Variants in RAE1 observed in about 807,000 individuals in gnomAD.
The protein encoded by RAE1 is ribonucleic acid export 1, also known as mRNA export factor RAE1.
RAE1 carries 13 observed loss-of-function variants against 52.7 expected under a neutral mutation model. That is an observed-to-expected ratio of 0.25 (90% CI 0.16 to 0.39). The LOEUF is 0.39. RAE1 is among the 10% of genes least tolerant of loss of function. The pLI is 1.00. For synonymous variants in RAE1, 164 were observed against 153.1 expected, an observed-to-expected ratio of 1.07 and a Z score of -0.52; for missense variants, 262 against 459.8, an observed-to-expected ratio of 0.57 and a Z score of 3.93.
chr20:57,375,774 A>G (rs2067105049), intron 11 of RAE1, among the ~76,000 whole-genome samples: 1 of 151,936 alleles, frequency 6.6e-6, no homozygotes, highest in Non-Finnish European at 1.5e-5. Context: ...CGTCCTCCTC[A>G]TCCAGTCCAG....
In RAE1 at chr20:57,374,934, T is replaced by C. The variant is rs1051066899; in HGVS notation, c.1020+133T>C. 6.2e-6 allele frequency: 6 copies of C among 968,252 alleles called. No individual in the cohort carries two copies. The Admixed American group carries it at 1.2e-4, about 19-fold the overall frequency. The allele number at this position is 968,252 out of a possible 1,614,324, so 60.0% of individuals were successfully genotyped here. ...CTTGGGCAGGTCACCGTCCCCTCCC[T>C]GTAAGGGGAAATTGCAGGACTTCCT... On this transcript the variant is annotated intron_variant, in intron 11 of 11. Coordinates refer to ENST00000395841, the MANE Select transcript of RAE1 (RefSeq NM_003610.4).
intron 7 of RAE1, among the ~76,000 whole-genome samples, chr20:57,368,348 G>T (rs1425251450): frequency 6.6e-6 from 1 of 152,190 alleles, no homozygotes; most frequent in Non-Finnish European, 1.5e-5. Flanking sequence ...CATGTTTTGA[G>T]TAAAGGATAT....
chr20:57,373,256 G>A (rs2067062937), intron 8 of RAE1: 3 of 559,250 alleles, frequency 5.4e-6, no homozygotes, highest in African/African-American at 1.9e-5. Flanking sequence ...AGCAGCGGGG[G>A]CGGGGGAGGA....
chr20:57,369,567 A>C (rs1157361697), intron 8 of RAE1, among the ~76,000 whole-genome samples: 25 of 152,252 alleles, frequency 1.6e-4, no homozygotes, highest in Non-Finnish European at 3.4e-4. Context: ...GAAATATGTC[A>C]GAGAAGTCTA....
chr20:57,352,589 A>G lies in RAE1; in HGVS notation c.-8+1167A>G, dbSNP rs149569233. 2.2e-4 allele frequency among the ~76,000 whole-genome samples: 33 copies of G among 152,334 alleles called. 1 individual carries two copies. In the East Asian group the frequency reaches 6.0e-3, roughly 28 times the overall value. ...CTAACACGAACGATTCTCACCTACC[A>G]TGTTCTTTTTCCTAAGTTCATCCCT... On this transcript the variant is annotated intron_variant, in intron 1 of 11. Coordinates refer to ENST00000395841, the MANE Select transcript of RAE1 (RefSeq NM_003610.4).
intron 1 of RAE1, among the ~76,000 whole-genome samples, chr20:57,352,294 T>G (rs999734701): frequency 6.6e-6 from 1 of 152,312 alleles, no homozygotes; most frequent in Non-Finnish European, 1.5e-5. Flanking sequence ...AGGAGGCAAC[T>G]TTTGAACTGG....
intron 1 of RAE1, among the ~76,000 whole-genome samples, 176 bp from the exon 2 acceptor site, chr20:57,353,853 ACTC>A (rs2066746104): frequency 6.6e-6 from 1 of 152,104 alleles, no homozygotes; most frequent in African/African-American, 2.4e-5. Flanking sequence ...ACCTAAAACT[ACTC>A]TAAAATAGAA....
chr20:57,378,212 C>G lies in RAE1; in HGVS notation c.*113C>G. 1 of 875,176 alleles carries G rather than the reference C, an allele frequency of 1.1e-6. No individual in the cohort carries two copies. The highest frequency in any genetic ancestry group is 1.7e-5 in the African/African-American group (1 of 58,714). 54.2% of individuals were successfully genotyped at this position (875,176 alleles called of 1,614,324 possible). A position where few individuals can be genotyped will look rare whatever the true frequency, so the allele number is the denominator to read the frequency against. On this transcript the variant is annotated 3_prime_UTR_variant, in exon 12 of 12. Coordinates refer to ENST00000395841, the MANE Select transcript of RAE1 (RefSeq NM_003610.4). Reference sequence around the variant, plus strand: ...TCAGCCATGGACATGGATTTCAACCCCTGGAGAAAACGATGTCATTGTTCA... The same window carrying G: ...TCAGCCATGGACATGGATTTCAACCGCTGGAGAAAACGATGTCATTGTTCA...
At chr20:57,352,447 C>T (rs2066724120) in intron 1 of RAE1, among the ~76,000 whole-genome samples, 1 of 152,134 alleles carries the variant, frequency 6.6e-6, no homozygotes, top group African/African-American at 2.4e-5. Flanking sequence ...GCTAGGAGGG[C>T]TGGGGTGCAG....
At chr20:57,359,751 A>T (rs1315362361) in intron 4 of RAE1, 1 of 152,026 alleles carries the variant, frequency 6.6e-6, no homozygotes, top group Non-Finnish European at 1.5e-5. Flanking sequence ...GTTTCGGGGG[A>T]CTTGGCCATA....
chr20:57,368,661 A>G (rs868344862), intron 7 of RAE1, 44 bp from the exon 8 acceptor site: 1 of 1,387,482 alleles, frequency 7.2e-7, no homozygotes, highest in South Asian at 1.2e-5. Context: ...AAAACAGCAC[A>G]CTCCTTCACC....
At chr20:57,374,233 G>A (rs2067078750) in intron 10 of RAE1, among the ~76,000 whole-genome samples, 1 of 152,184 alleles carries the variant, frequency 6.6e-6, no homozygotes, top group South Asian at 2.1e-4. Context: ...ATTTGTTTCT[G>A]AACATAAGCT....
chr20:57,372,802 T>TG (rs1160343926), intron 8 of RAE1: 2 of 152,222 alleles, frequency 1.3e-5, no homozygotes. Context: ...TTAGGCAGGG[T>TG]GGATGGCCCT....
intron 11 of RAE1, 134 bp downstream of exon 11, chr20:57,374,935 G>T (rs2067089986): frequency 1.0e-6 from 1 of 974,168 alleles, no homozygotes. Flanking sequence ...TCCCCTCCCT[G>T]TAAGGGGAAA....
chr20:57,358,935 A>G, intron 4 of RAE1: 1 of 1,403,520 alleles, frequency 7.1e-7, no homozygotes, highest in Non-Finnish European at 9.3e-7. Context: ...GATGAATTAA[A>G]GCTCCATAAG....
At chr20:57,363,477 C>T (rs6014982) in intron 4 of RAE1, among the ~76,000 whole-genome samples, 25,693 of 152,074 alleles carry the variant, frequency 0.17, 2,354 homozygotes, top group South Asian at 0.26. Context: ...GACACCACTG[C>T]ATTCCAGCCT....
At position 57,374,588 on chromosome 20, in the gene RAE1, T is replaced by G; in HGVS notation, c.826-19T>G. On this transcript the variant is annotated intron_variant, in intron 10 of 11. Coordinates refer to ENST00000395841, the MANE Select transcript of RAE1 (RefSeq NM_003610.4). ...CGCCCCTCTGCCTGGCTTCTCATTG[T>G]GCATGTCAATCCTTGCAGGTAAATG... 6.2e-7 allele frequency: 1 copy of G among 1,601,370 alleles called. No homozygotes were observed. Among genetic ancestry groups the G allele is most frequent in the East Asian group, 2.2e-5 (1 of 44,818 alleles).
intron 10 of RAE1, 138 bp from the exon 11 acceptor site, chr20:57,374,469 C>T (rs2067081829): frequency 2.4e-6 from 2 of 826,688 alleles, no homozygotes; most frequent in African/African-American, 1.7e-5. Context: ...GATAGTTTCT[C>T]TTGCTATCAG....
At position 57,356,522 on chromosome 20, in the gene RAE1, A is replaced by G. The variant is rs747662795; in HGVS notation, c.272A>G (p.Asp91Gly). The change falls in exon 4 of 12, where the codon GAT becomes GGT. Residue 91 changes from aspartate (D) to glycine (G), a missense_variant. Coordinates refer to ENST00000395841, the MANE Select transcript of RAE1 (RefSeq NM_003610.4). ...AQQMHTGPVL[D>G]VCWSDDGSKV... ...CAGATGCACACTGGGCCTGTGCTTGATGTCTGCTGGAGTGACGTACGTTCC... is the reference window on the plus strand; with the variant it reads ...CAGATGCACACTGGGCCTGTGCTTGGTGTCTGCTGGAGTGACGTACGTTCC... 9.9e-6 allele frequency: 16 copies of G among 1,612,620 alleles called. No individual in the cohort carries two copies. In the African/African-American group the frequency reaches 1.5e-4, roughly 15 times the overall value.
Sources: allele counts gnomAD v4.1 joint callset (sites outside exome capture counted in the v4.1 genomes callset), GRCh38; gene constraint gnomAD v4.1.1; transcripts MANE v1.5; gene names NCBI Gene and HGNC (gene_info 2026-07-23, HGNC 2026-07-21).